The following MYO1B variants were observed in gnomAD, a reference collection of about 807,000 sequenced individuals.
MYO1B encodes the protein unconventional myosin-Ib.
Under a neutral mutation model 159.7 loss-of-function variants are expected in MYO1B, and 72 were observed. That is an observed-to-expected ratio of 0.45 (90% CI 0.37 to 0.55). The LOEUF (loss-of-function observed/expected upper bound fraction) is 0.55, where lower values mean the gene tolerates loss of function less well. MYO1B is among the 20% of genes least tolerant of loss of function. The pLI is 0.00. For synonymous variants in MYO1B, 468 were observed against 473.8 expected (o/e 0.99, Z 0.16); for missense variants, 1,062 against 1,364.8 (o/e 0.78, Z 3.50).
chr2:191,265,821 A>T (rs773165767), intron 1 of MYO1B, among the ~76,000 whole-genome samples: 28 of 152,046 alleles, frequency 1.8e-4, no homozygotes, highest in African/African-American at 6.0e-4. Context: ...GTCCCTCAGG[A>T]ATTTGTAGCC....
At chr2:191,396,176 A>G (rs531944779) in intron 20 of MYO1B, among the ~76,000 whole-genome samples, 17 of 152,334 alleles carry the variant, frequency 1.1e-4, no homozygotes, top group Non-Finnish European at 2.1e-4. Context: ...CATGAGATGA[A>G]GAAAATAATG....
intron 3 of MYO1B, among the ~76,000 whole-genome samples, chr2:191,310,627 T>A (rs1028561112): frequency 3.9e-5 from 6 of 152,222 alleles, no homozygotes; most frequent in African/African-American, 1.2e-4. Context: ...GAGTTGAGAA[T>A]GTAGAGCTAT....
In MYO1B at chr2:191,371,815, G is replaced by A. The variant is rs1432746153; in HGVS notation, c.1185+1523G>A. 3.3e-5 allele frequency among the ~76,000 whole-genome samples: 5 copies of A among 152,218 alleles called. 1 individual carries two copies. The highest frequency in any genetic ancestry group is 4.8e-5 in the African/African-American group (2 of 41,458). ...AGCATTGGGTGCTTCGTAGATGGAAGTGTGTGTGCTGGTGGCTTCCCCATG... is the reference window on the plus strand; with the variant it reads ...AGCATTGGGTGCTTCGTAGATGGAAATGTGTGTGCTGGTGGCTTCCCCATG... On this transcript the variant is annotated intron_variant, in intron 13 of 30. Transcript: ENST00000392318.
intron 1 of MYO1B, among the ~76,000 whole-genome samples, chr2:191,266,989 G>A (rs1361629787): frequency 6.6e-6 from 1 of 152,112 alleles, no homozygotes; most frequent in Non-Finnish European, 1.5e-5. Flanking sequence ...GATTGAGGGT[G>A]GTTGATTAAG....
chr2:191,400,295 C>T (rs890164972), intron 21 of MYO1B, 87 bp from the exon 22 acceptor site: 41 of 1,401,176 alleles, frequency 2.9e-5, no homozygotes, highest in Middle Eastern at 1.8e-4. Flanking sequence ...GGTGTTAGGA[C>T]GATCATCTCT....
chr2:191,422,869 C>T (rs1229131302), intron 30 of MYO1B, among the ~76,000 whole-genome samples: 1 of 152,038 alleles, frequency 6.6e-6, no homozygotes, highest in Non-Finnish European at 1.5e-5. Flanking sequence ...GAAATATAAC[C>T]TGTTGGTCTT....
At chr2:191,383,225 G>A in intron 14 of MYO1B, 55 bp from the exon 15 acceptor site, 1 of 1,037,302 alleles carries the variant, frequency 9.6e-7, no homozygotes, top group Non-Finnish European at 1.4e-6. Flanking sequence ...TTTATGGATG[G>A]TAGTGTCGTG....
At chr2:191,371,175 C>G (rs1207874370) in intron 13 of MYO1B, 1 of 152,080 alleles carries the variant, frequency 6.6e-6, no homozygotes, top group Non-Finnish European at 1.5e-5. Flanking sequence ...AGATCGGGCT[C>G]CTCCTTTCTT....
rs114442197 is a variant in MYO1B, at chr2:191,295,525, G to A, written c.136-586G>A. 7.0e-3 allele frequency among the ~76,000 whole-genome samples: 1,071 copies of A among 152,226 alleles called. 13 individuals are homozygous for A. The highest frequency in any genetic ancestry group is 0.025 in the African/African-American group (1,021 of 41,520). ...TTTGACACTAAAACTCTGATATTAT[G>A]TTAGATATAATGAGATTATGTGGTT... On this transcript the variant is annotated intron_variant, in intron 2 of 30. Transcript: ENST00000392318.
intron 24 of MYO1B, among the ~76,000 whole-genome samples, chr2:191,405,808 A>C (rs935477434): frequency 2.0e-5 from 3 of 152,274 alleles, no homozygotes; most frequent in African/African-American, 7.2e-5. Flanking sequence ...TGGAGCACAC[A>C]GGCGGAGTAG....
intron 3 of MYO1B, among the ~76,000 whole-genome samples, chr2:191,306,646 T>C (rs1689667277): frequency 6.6e-6 from 1 of 151,358 alleles, no homozygotes; most frequent in Non-Finnish European, 1.5e-5. Context: ...GGCAAATCCA[T>C]AGGATGCAGT....
intron 13 of MYO1B, among the ~76,000 whole-genome samples, chr2:191,376,610 C>T (rs540510055): frequency 9.0e-4 from 137 of 152,206 alleles, no homozygotes; most frequent in Non-Finnish European, 1.7e-3. Context: ...ACCCCCAAGC[C>T]AGCATGTTAT....
At chr2:191,411,736 G>A (rs4538142) in intron 27 of MYO1B, among the ~76,000 whole-genome samples, 148,507 of 152,244 alleles carry the variant, frequency 0.98, 72,524 homozygotes, top group Middle Eastern at 1. Context: ...TTTAGACACC[G>A]TGGACTCAGA....
chr2:191,422,157 G>T (rs930493755), intron 30 of MYO1B, among the ~76,000 whole-genome samples: 2 of 152,210 alleles, frequency 1.3e-5, no homozygotes, highest in African/African-American at 4.8e-5. Context: ...GTCAGTGGTT[G>T]TTAGGTTGAC....
intron 30 of MYO1B, among the ~76,000 whole-genome samples, chr2:191,418,267 G>A (rs565916824): frequency 3.9e-5 from 6 of 152,076 alleles, no homozygotes; most frequent in East Asian, 1.9e-4. Flanking sequence ...AGGCAGGGGC[G>A]CCTGTTCCTT....
At chr2:191,294,331 A>T (rs1410494506) in intron 2 of MYO1B, among the ~76,000 whole-genome samples, 1 of 152,212 alleles carries the variant, frequency 6.6e-6, no homozygotes, top group Non-Finnish European at 1.5e-5. Context: ...AATATATTTT[A>T]GAAACTATTG....
At chr2:191,306,672 G>C (rs942182435) in intron 3 of MYO1B, among the ~76,000 whole-genome samples, 2 of 152,070 alleles carry the variant, frequency 1.3e-5, no homozygotes, top group Non-Finnish European at 2.9e-5. Context: ...AACAGAAAAG[G>C]TGAAGAGAGA....
chr2:191,346,790 C>A (rs1692597701), intron 6 of MYO1B, among the ~76,000 whole-genome samples: 1 of 152,106 alleles, frequency 6.6e-6, no homozygotes, highest in Non-Finnish European at 1.5e-5. Flanking sequence ...TAATAAAAAC[C>A]AAATCTATTT....
At chr2:191,410,047 ACAACATAAGGAACTAGATTCTGAGTT>A (rs1341895179) in intron 26 of MYO1B, among the ~76,000 whole-genome samples, 1 of 152,194 alleles carries the variant, frequency 6.6e-6, no homozygotes, top group Non-Finnish European at 1.5e-5. Flanking sequence ...GTGGTACCAT[ACAACATAAGGAACTAGATTCTGAGTT>A]CTGTTCTCTA....
Sources: gnomAD v4.1 joint callset for allele counts (sites outside exome capture counted in the v4.1 genomes callset) on GRCh38, gnomAD v4.1.1 for gene constraint, MANE v1.5 for transcripts, NCBI Gene and HGNC (gene_info 2026-07-23, HGNC 2026-07-21) for gene names.